The following RGL1 variants were observed in gnomAD, a reference collection of about 807,000 sequenced individuals.
RGL1 encodes ral guanine nucleotide dissociation stimulator-like 1.
A neutral mutation model predicts 95.2 loss-of-function variants in RGL1; 24 were observed. The ratio of observed to expected loss-of-function variants is 0.25; its 90% CI spans 0.18 to 0.35. The LOEUF is 0.35. Ranked by LOEUF, RGL1 falls within the 10% of genes least tolerant of loss-of-function variation. The pLI, the probability that RGL1 is intolerant of heterozygous loss-of-function variation, is 1.00. For synonymous variants in RGL1, 329 were observed against 344.9 expected (o/e 0.95, Z 0.51); for missense variants, 715 against 936.3 (o/e 0.76, Z 3.08).
At chr1:183,859,119 A>G (rs1389958825) in intron 3 of RGL1, among the ~76,000 whole-genome samples, 1 of 152,180 alleles carries the variant, frequency 6.6e-6, no homozygotes, top group Non-Finnish European at 1.5e-5. Context: ...CCGTCATTGT[A>G]GCCTCATCCA....
chr1:183,772,043 C>T (rs1213837161), intron 2 of RGL1, among the ~76,000 whole-genome samples: 1 of 152,254 alleles, frequency 6.6e-6, no homozygotes, highest in Non-Finnish European at 1.5e-5. Flanking sequence ...AGAGCGCCCG[C>T]TGCCCAGCGG....
At chr1:183,651,496 G>C (rs866678849) in intron 1 of RGL1, among the ~76,000 whole-genome samples, 23 of 152,282 alleles carry the variant, frequency 1.5e-4, no homozygotes, top group African/African-American at 4.8e-4. Context: ...AACCTGCAGA[G>C]TTCCTATGCT....
intron 1 of RGL1, among the ~76,000 whole-genome samples, chr1:183,678,469 A>T (rs577429406): frequency 6.6e-6 from 1 of 152,356 alleles, no homozygotes; most frequent in Admixed American, 6.5e-5. Flanking sequence ...ATTACTAAAA[A>T]GTAGGCACTA....
At chr1:183,882,351 G>A (rs1666872451) in intron 5 of RGL1, among the ~76,000 whole-genome samples, 1 of 152,200 alleles carries the variant, frequency 6.6e-6, no homozygotes, top group South Asian at 2.1e-4. Flanking sequence ...ACTGAAGTGG[G>A]TTAGGCTCTG....
At chr1:183,761,171 T>C (rs1318964860) in intron 2 of RGL1, among the ~76,000 whole-genome samples, 4 of 152,236 alleles carry the variant, frequency 2.6e-5, no homozygotes, top group Non-Finnish European at 5.9e-5. Context: ...TCTAGAATGG[T>C]GAATCCTTTC....
chr1:183,826,514 C>T (rs547355672), intron 2 of RGL1, among the ~76,000 whole-genome samples: 1 of 152,116 alleles, frequency 6.6e-6, no homozygotes, highest in Non-Finnish European at 1.5e-5. Context: ...AGAACAGCAC[C>T]TAGCCGATGG....
intron 2 of RGL1, among the ~76,000 whole-genome samples, chr1:183,754,162 C>G (rs943368343): frequency 6.6e-6 from 1 of 152,112 alleles, no homozygotes; most frequent in African/African-American, 2.4e-5. Context: ...CCTCTCTACC[C>G]CTCCTCAGCA....
intron 10 of RGL1, among the ~76,000 whole-genome samples, chr1:183,899,812 C>T (rs1307644710): frequency 6.6e-6 from 1 of 152,192 alleles, no homozygotes; most frequent in African/African-American, 2.4e-5. Context: ...CCAGTGCCAT[C>T]CCCAACTACC....
At chr1:183,750,623 T>C (rs550953920) in intron 2 of RGL1, among the ~76,000 whole-genome samples, 1,239 of 119,632 alleles carry the variant, frequency 0.01, 19 homozygotes, top group African/African-American at 0.03. Context: ...TTGTGATCTT[T>C]TGGAGGAGAA....
intron 2 of RGL1, among the ~76,000 whole-genome samples, chr1:183,797,891 A>G (rs1332570231): frequency 6.6e-6 from 1 of 152,378 alleles, no homozygotes; most frequent in East Asian, 1.9e-4. Context: ...ATTGGAAGAA[A>G]TAAATAGCTT....
chr1:183,852,574 G>A (rs577533452), intron 3 of RGL1, among the ~76,000 whole-genome samples: 1 of 152,268 alleles, frequency 6.6e-6, no homozygotes, highest in African/African-American at 2.4e-5. Context: ...AGCACTTTGG[G>A]AGGCTGAGGC....
intron 3 of RGL1, among the ~76,000 whole-genome samples, chr1:183,856,518 T>C (rs1048185616): frequency 5.3e-5 from 8 of 151,174 alleles, no homozygotes; most frequent in African/African-American, 1.2e-4. Flanking sequence ...GTTTATGTTC[T>C]ATTCAGGACA....
At chr1:183,727,369 C>T (rs926790950) in intron 1 of RGL1, among the ~76,000 whole-genome samples, 10 of 152,232 alleles carry the variant, frequency 6.6e-5, no homozygotes, top group South Asian at 4.2e-4. Context: ...AAAGGAACCT[C>T]CTCAATCTCA....
At chr1:183,925,126 A>T (rs1669542961) in intron 17 of RGL1, among the ~76,000 whole-genome samples, 1 of 152,234 alleles carries the variant, frequency 6.6e-6, no homozygotes, top group Non-Finnish European at 1.5e-5. Flanking sequence ...TAGTTTAAAT[A>T]TTAAAAGAAG....
At chr1:183,820,222 A>G (rs1057179534) in intron 2 of RGL1, among the ~76,000 whole-genome samples, 2 of 152,172 alleles carry the variant, frequency 1.3e-5, no homozygotes, top group African/African-American at 4.8e-5. Context: ...CATAGTTGCA[A>G]TCATGCTATC....
chr1:183,884,614 G>T (rs1272451880), intron 6 of RGL1, 109 bp from the exon 7 acceptor site: 2 of 817,698 alleles, frequency 2.4e-6, no homozygotes, highest in Non-Finnish European at 4.0e-6. Flanking sequence ...AGTAGAAAAG[G>T]ATTATCTGGC....
At chr1:183,807,370 C>A (rs1352834053) in intron 2 of RGL1, among the ~76,000 whole-genome samples, 2 of 152,160 alleles carry the variant, frequency 1.3e-5, no homozygotes, top group Non-Finnish European at 2.9e-5. Context: ...CCTGGCTGGC[C>A]TTATTTTAGC....
rs1669722167 is a variant in RGL1, at chr1:183,928,148, T to C, written c.*1856T>C. 2.0e-5 allele frequency: 3 copies of C among 151,124 alleles called. 1 individual carries two copies. The South Asian group carries it at 6.4e-4, about 32-fold the overall frequency. The allele number at this position is 151,124 out of a possible 1,614,324, so 9.4% of individuals were successfully genotyped here. A position where few individuals can be genotyped will look rare whatever the true frequency, so the allele number is the denominator to read the frequency against. ...AAGTATATGTAGCCTCAGCCTGATA[T>C]TCTTGGTGCGAAGGTAAAAAAAAAA... On this transcript the variant is annotated 3_prime_UTR_variant, in exon 18 of 18. Coordinates refer to ENST00000360851, the MANE Select transcript of RGL1 (RefSeq NM_001297671.3).
At chr1:183,814,197 C>CAG (rs35425847) in intron 2 of RGL1, among the ~76,000 whole-genome samples, 34 of 151,190 alleles carry the variant, frequency 2.2e-4, no homozygotes, top group Non-Finnish European at 3.8e-4. Context: ...TAGTCTCATA[C>CAG]AGAGAGAGAG....
Sources: allele counts gnomAD v4.1 joint callset (sites outside exome capture counted in the v4.1 genomes callset), GRCh38; gene constraint gnomAD v4.1.1; transcripts MANE v1.5; gene names NCBI Gene and HGNC (gene_info 2026-07-23, HGNC 2026-07-21).